The following NALCN variants were observed in gnomAD, a reference collection of about 807,000 sequenced individuals.
The protein encoded by NALCN is sodium leak channel, non-selective.
A neutral mutation model predicts 225.3 loss-of-function variants in NALCN; 111 were observed. That is an observed-to-expected ratio of 0.49 (90% CI 0.42 to 0.58). NALCN has a LOEUF of 0.58. Among genes scored for constraint, NALCN ranks in the 20% least tolerant of loss-of-function variants. The pLI, the probability that NALCN is intolerant of heterozygous loss-of-function variation, is 0.00. For synonymous variants in NALCN, 764 were observed against 769.0 expected (o/e 0.99, Z 0.11); for missense variants, 1,378 against 2,202.4 (o/e 0.63, Z 7.49).
chr13:101,294,957 A>G (rs944277205), intron 7 of NALCN, among the ~76,000 whole-genome samples: 4 of 152,140 alleles, frequency 2.6e-5, no homozygotes, highest in African/African-American at 7.2e-5. Context: ...AAGCTAGACA[A>G]CCGGTTACAA....
intron 10 of NALCN, among the ~76,000 whole-genome samples, chr13:101,269,884 T>C (rs1368640055): frequency 6.6e-6 from 1 of 152,212 alleles, no homozygotes; most frequent in Non-Finnish European, 1.5e-5. Context: ...TGCTAAAATC[T>C]TGGCTTTTCA....
intron 11 of NALCN, among the ~76,000 whole-genome samples, chr13:101,245,554 G>A (rs1010855001): frequency 1.3e-5 from 2 of 152,034 alleles, no homozygotes; most frequent in African/African-American, 4.8e-5. Context: ...TTATAAAAGA[G>A]AGAATTTTCT....
chr13:101,124,703 C>T (rs1424956401), intron 17 of NALCN, 22 bp from the exon 18 acceptor site: 5 of 1,603,480 alleles, frequency 3.1e-6, no homozygotes, highest in Non-Finnish European at 4.3e-6. Flanking sequence ...AAGAGTATGA[C>T]TTTTAGTTTT....
At chr13:101,412,632 G>T (rs114571035) in intron 1 of NALCN, among the ~76,000 whole-genome samples, 1,723 of 152,214 alleles carry the variant, frequency 0.011, 39 homozygotes, top group African/African-American at 0.039. Context: ...TCTCTCTTCC[G>T]TATTTTTTGT....
intron 18 of NALCN, among the ~76,000 whole-genome samples, chr13:101,118,033 T>C (rs932758799): frequency 6.6e-6 from 1 of 152,132 alleles, no homozygotes; most frequent in Non-Finnish European, 1.5e-5. Context: ...TTCAAACCCA[T>C]AGACTATAGT....
At position 101,054,234 on chromosome 13, in the gene NALCN, A is replaced by AAAACG. The variant is rs2030925606; in HGVS notation, c.*1056_*1060dup. ...ATATAAGGAAAAAAAACAAAAACAAAAAACGATTAAGTAAGTTGTGTGATC... is the reference window on the plus strand; with the variant it reads ...ATATAAGGAAAAAAAACAAAAACAAAAAACGAAACGATTAAGTAAGTTGTGTGATC... On this transcript the variant is annotated 3_prime_UTR_variant, in exon 44 of 44. Coordinates refer to ENST00000251127, the MANE Select transcript of NALCN (RefSeq NM_052867.4). The AAAACG allele has an allele frequency of 6.6e-6, 1 of 152,352 alleles. No homozygotes were observed. The highest frequency in any genetic ancestry group is 6.5e-5 in the Admixed American group (1 of 15,306). 9.4% of individuals were successfully genotyped at this position (152,352 alleles called of 1,614,324 possible). A position where few individuals can be genotyped will look rare whatever the true frequency, so the allele number is the denominator to read the frequency against.
At chr13:101,119,984 C>A (rs1158355357) in intron 18 of NALCN, among the ~76,000 whole-genome samples, 1 of 151,872 alleles carries the variant, frequency 6.6e-6, no homozygotes, top group African/African-American at 2.4e-5. Context: ...TTATATTTCT[C>A]AAAACATCAA....
chr13:101,397,714 G>A (rs1453248311), intron 2 of NALCN, among the ~76,000 whole-genome samples: 2 of 151,246 alleles, frequency 1.3e-5, no homozygotes, highest in African/African-American at 2.4e-5. Flanking sequence ...ATATACACAC[G>A]ACCTACAATG....
At chr13:101,360,769 C>G (rs1166310350) in intron 6 of NALCN, among the ~76,000 whole-genome samples, 1 of 152,164 alleles carries the variant, frequency 6.6e-6, no homozygotes, top group Non-Finnish European at 1.5e-5. Flanking sequence ...AAAGACATAC[C>G]TGCCTCTTTG....
At chr13:101,121,632 G>A (rs562029668) in intron 18 of NALCN, among the ~76,000 whole-genome samples, 8 of 152,086 alleles carry the variant, frequency 5.3e-5, no homozygotes, top group Non-Finnish European at 8.8e-5. Flanking sequence ...ACACTAAAAC[G>A]GCAGTCTCTT....
At chr13:101,130,360 C>T (rs535875054) in intron 17 of NALCN, among the ~76,000 whole-genome samples, 3 of 152,276 alleles carry the variant, frequency 2.0e-5, no homozygotes, top group South Asian at 2.1e-4. Context: ...TGTACTCTAT[C>T]CATATTAGAA....
At chr13:101,235,254 T>A (rs1164547745) in intron 12 of NALCN, among the ~76,000 whole-genome samples, 2 of 152,154 alleles carry the variant, frequency 1.3e-5, no homozygotes, top group Non-Finnish European at 2.9e-5. Context: ...CTTTTTTCTC[T>A]CATTAATTCT....
At chr13:101,100,604 G>C (rs1487653789) in intron 27 of NALCN, among the ~76,000 whole-genome samples, 180 bp downstream of exon 27, 1 of 152,146 alleles carries the variant, frequency 6.6e-6, no homozygotes, top group Admixed American at 6.5e-5. Flanking sequence ...TTTAGGGACA[G>C]GGCTCTCGCT....
At chr13:101,190,605 C>T (rs2039643097) in intron 14 of NALCN, among the ~76,000 whole-genome samples, 1 of 152,216 alleles carries the variant, frequency 6.6e-6, no homozygotes, top group Non-Finnish European at 1.5e-5. Context: ...TGTAGTTCTA[C>T]TGTTTGAGCC....
chr13:101,271,618 T>C (rs901913254), intron 10 of NALCN, among the ~76,000 whole-genome samples: 2 of 151,898 alleles, frequency 1.3e-5, no homozygotes, highest in Admixed American at 6.6e-5. Flanking sequence ...TGTGAGTGTA[T>C]GTGTGTGTGT....
chr13:101,092,823 T>C (rs2034307453), intron 28 of NALCN, among the ~76,000 whole-genome samples: 1 of 152,198 alleles, frequency 6.6e-6, no homozygotes, highest in African/African-American at 2.4e-5. Flanking sequence ...TATCACAGTG[T>C]AGCTTAACAT....
At chr13:101,280,917 G>T (rs536631098) in intron 10 of NALCN, among the ~76,000 whole-genome samples, 8 of 128,652 alleles carry the variant, frequency 6.2e-5, no homozygotes, top group Non-Finnish European at 1.1e-4. Flanking sequence ...GTCTCACTCT[G>T]TTGCCCAGGC....
At chr13:101,218,589 G>A (rs1464023028) in intron 13 of NALCN, among the ~76,000 whole-genome samples, 1 of 152,090 alleles carries the variant, frequency 6.6e-6, no homozygotes, top group African/African-American at 2.4e-5. Flanking sequence ...GGGCCTGATG[G>A]GAGTGATTAG....
At chr13:101,252,405 C>A (rs2042088592) in intron 11 of NALCN, among the ~76,000 whole-genome samples, 1 of 152,130 alleles carries the variant, frequency 6.6e-6, no homozygotes, top group Admixed American at 6.5e-5. Flanking sequence ...ATAGATGATA[C>A]TTTCTTTTCT....
Sources: gnomAD v4.1 joint callset for allele counts (sites outside exome capture counted in the v4.1 genomes callset) on GRCh38, gnomAD v4.1.1 for gene constraint, MANE v1.5 for transcripts, NCBI Gene and HGNC (gene_info 2026-07-23, HGNC 2026-07-21) for gene names.